The following RAB22A variants were observed in gnomAD, a reference collection of about 807,000 sequenced individuals.
The protein encoded by RAB22A is RAB22A, member RAS oncogene family.
Under a neutral mutation model 30.2 loss-of-function variants are expected in RAB22A, and 13 were observed. That is an observed-to-expected ratio of 0.43 (90% CI 0.28 to 0.68). The LOEUF is 0.68. Among genes scored for constraint, RAB22A ranks in the 30% least tolerant of loss-of-function variants. The pLI is 0.18. For synonymous variants in RAB22A, 89 were observed against 87.2 expected, an observed-to-expected ratio of 1.02 and a Z score of -0.11; for missense variants, 177 against 246.8, an observed-to-expected ratio of 0.72 and a Z score of 1.89.
intron 2 of RAB22A, among the ~76,000 whole-genome samples, chr20:58,314,274 A>G (rs1986291075): frequency 6.6e-6 from 1 of 152,068 alleles, no homozygotes; most frequent in Non-Finnish European, 1.5e-5. Context: ...CATGTTGGCC[A>G]GGCTGTTCTC....
At chr20:58,342,344 C>T (rs1986868928) in intron 2 of RAB22A, among the ~76,000 whole-genome samples, 1 of 152,174 alleles carries the variant, frequency 6.6e-6, no homozygotes, top group Non-Finnish European at 1.5e-5. Context: ...ACCTTCGCTT[C>T]CTAGTCACAG....
At chr20:58,315,559 G>A (rs972912864) in intron 2 of RAB22A, among the ~76,000 whole-genome samples, 1 of 59,080 alleles carries the variant, frequency 1.7e-5, no homozygotes, top group Non-Finnish European at 3.2e-5. Context: ...TGGAGGTTGG[G>A]GCGGGGGGTC....
chr20:58,350,995 C>A (rs1987039032), intron 3 of RAB22A, among the ~76,000 whole-genome samples: 1 of 152,048 alleles, frequency 6.6e-6, no homozygotes, highest in Admixed American at 6.6e-5. Context: ...TTTTGCAAGT[C>A]TCTGATATTT....
At chr20:58,322,271 A>G (rs1236760716) in intron 2 of RAB22A, among the ~76,000 whole-genome samples, 1 of 152,084 alleles carries the variant, frequency 6.6e-6, no homozygotes, top group African/African-American at 2.4e-5. Context: ...TTATAGCTGT[A>G]TTTTTCAAGT....
chr20:58,352,461 A>T (rs988471299), intron 3 of RAB22A, among the ~76,000 whole-genome samples: 6 of 152,230 alleles, frequency 3.9e-5, no homozygotes, highest in African/African-American at 1.4e-4. Flanking sequence ...TTGTCATTAA[A>T]CATTGACATC....
rs1323703982 is a variant in RAB22A at position 58,353,444 on chromosome 20, A to G, written c.283A>G (p.Thr95Ala). The change falls in exon 5 of 7, where the codon ACA becomes GCA. Residue 95 changes from threonine (T) to alanine (A), a missense_variant. Thr to Ala is a moderately conservative substitution (Grantham distance 58). Coordinates refer to ENST00000244040, the MANE Select transcript of RAB22A (RefSeq NM_020673.3). ...YDITKEETFSTLKNWVKELRQ... is the reference protein window; with the variant it reads ...YDITKEETFSALKNWVKELRQ... ...TTGTGTGTTACAGGAGACATTTTCAACATTAAAGAATTGGGTGAAAGAGCT... is the reference window on the plus strand; with the variant it reads ...TTGTGTGTTACAGGAGACATTTTCAGCATTAAAGAATTGGGTGAAAGAGCT... The G allele has an allele frequency of 3.1e-6, 5 of 1,613,104 alleles. No homozygotes were observed. The East Asian group carries it at 6.7e-5, about 22-fold the overall frequency.
chr20:58,354,263 T>A lies in RAB22A; in HGVS notation c.485T>A (p.Ile162Asn), dbSNP rs1270506938. ...AACATAAATGAACTCTTTATAGAAA[T>A]TAGTGAGTATCTCTGTGCCTTATCC... ...AININELFIE[I>N]SRRIPSTDAN... Residue 162 changes from isoleucine (I) to asparagine (N), a missense_variant and splice_region_variant, in exon 6 of 7, where the codon ATT (isoleucine) becomes AAT (asparagine). Ile to Asn is a moderately radical substitution (Grantham distance 149). Transcript: ENST00000244040. 1 of 1,600,494 alleles carries A rather than the reference T, an allele frequency of 6.2e-7. No homozygotes were observed. Among genetic ancestry groups the A allele is most frequent in the Admixed American group, 1.7e-5 (1 of 59,808 alleles).
intron 6 of RAB22A, among the ~76,000 whole-genome samples, chr20:58,357,121 A>G (rs1035756801): frequency 2.6e-5 from 4 of 152,250 alleles, no homozygotes; most frequent in African/African-American, 9.6e-5. Context: ...TAGTTGTACT[A>G]GTTGACAACC....
chr20:58,359,242 C>G (rs1987183696), intron 6 of RAB22A, among the ~76,000 whole-genome samples: 1 of 152,010 alleles, frequency 6.6e-6, no homozygotes, highest in South Asian at 2.1e-4. Context: ...AATTAAAAAA[C>G]GTTTACTAAG....
intron 6 of RAB22A, among the ~76,000 whole-genome samples, chr20:58,358,394 G>C (rs1987168219): frequency 6.6e-6 from 1 of 152,204 alleles, no homozygotes; most frequent in Admixed American, 6.5e-5. Context: ...GTATGTGTCA[G>C]ACAAATACCC....
chr20:58,358,952 C>A (rs1405460149), intron 6 of RAB22A, among the ~76,000 whole-genome samples: 1 of 151,536 alleles, frequency 6.6e-6, no homozygotes, highest in African/African-American at 2.4e-5. Flanking sequence ...TGCCACAATC[C>A]CCAGGATGTG....
intron 6 of RAB22A, among the ~76,000 whole-genome samples, chr20:58,356,319 A>AG (rs1212179868): frequency 6.6e-6 from 1 of 152,134 alleles, no homozygotes; most frequent in Non-Finnish European, 1.5e-5. Flanking sequence ...CTCAAAAAAA[A>AG]AAAAAAAGGA....
At chr20:58,333,307 A>AAATAAATAAATAAATAAATAAATC (rs1193519347) in intron 2 of RAB22A, among the ~76,000 whole-genome samples, 4 of 151,652 alleles carry the variant, frequency 2.6e-5, no homozygotes, top group South Asian at 2.1e-4. Flanking sequence ...ATAAATAAAT[A>AAATAAATAAATAAATAAATAAATC]AATCCCGCCA....
chr20:58,331,101 G>A (rs1235671934), intron 2 of RAB22A, among the ~76,000 whole-genome samples: 1 of 151,962 alleles, frequency 6.6e-6, no homozygotes, highest in African/African-American at 2.4e-5. Context: ...CAGCCACATG[G>A]CCCTTCTTTT....
At chr20:58,351,808 C>T (rs1478126920) in intron 3 of RAB22A, among the ~76,000 whole-genome samples, 4 of 152,174 alleles carry the variant, frequency 2.6e-5, no homozygotes, top group Non-Finnish European at 5.9e-5. Flanking sequence ...AGCGAAACTC[C>T]GTCTCAATGG....
In RAB22A at chr20:58,361,325, T is replaced by C. The variant is rs1272519255; in HGVS notation, c.*1622T>C. 4 of 152,570 alleles carry C rather than the reference T, an allele frequency of 2.6e-5. No homozygotes were observed. The highest frequency in any genetic ancestry group is 9.7e-5 in the African/African-American group (4 of 41,440). The allele number at this position is 152,570 out of a possible 1,614,324, so 9.5% of individuals were successfully genotyped here. The stretch of plus-strand genomic sequence containing the variant: ...ATTATTTTGTGCCCCCCACTTAATA[T>C]GGATAGATTTTAATGGGAAAATTAT... On this transcript the variant is annotated 3_prime_UTR_variant, in exon 7 of 7. Transcript: ENST00000244040.
At chr20:58,338,010 T>C (rs966875360) in intron 2 of RAB22A, among the ~76,000 whole-genome samples, 1 of 150,406 alleles carries the variant, frequency 6.6e-6, no homozygotes, top group African/African-American at 2.5e-5. Context: ...TTTTGCTATT[T>C]AGTTATGTTT....
intron 6 of RAB22A, 90 bp from the exon 7 acceptor site, chr20:58,359,516 T>C: frequency 1.6e-6 from 1 of 612,082 alleles, no homozygotes; most frequent in Admixed American, 3.9e-5. Context: ...TTTTTTTTAC[T>C]TCAGTGAAAC....
rs1166503381 is a variant in RAB22A at position 58,364,889 on chromosome 20, C to G, written c.*5186C>G. The G allele has an allele frequency of 1.3e-5, 2 of 152,078 alleles. No homozygotes were observed. The highest frequency in any genetic ancestry group is 3.9e-4 in the East Asian group (2 of 5,188). The allele number at this position is 152,078 out of a possible 1,614,324, so 9.4% of individuals were successfully genotyped here. ...AGCTGGGATGACAGGCGTGCACCAC[C>G]ATACCCAGCTAATTTTTGTATTTTT... On this transcript the variant is annotated 3_prime_UTR_variant, in exon 7 of 7. Transcript: ENST00000244040.
Sources: gnomAD v4.1 joint callset for allele counts (sites outside exome capture counted in the v4.1 genomes callset) on GRCh38, gnomAD v4.1.1 for gene constraint, MANE v1.5 for transcripts, NCBI Gene and HGNC (gene_info 2026-07-23, HGNC 2026-07-21) for gene names.